The following MEGF6 variants were observed in gnomAD, a reference collection of about 807,000 sequenced individuals.
MEGF6 encodes multiple epidermal growth factor-like domains protein 6.
Under a neutral mutation model 207.1 loss-of-function variants are expected in MEGF6, and 184 were observed. The ratio of observed to expected loss-of-function variants is 0.89; its 90% CI spans 0.79 to 1.00. The LOEUF (loss-of-function observed/expected upper bound fraction) is 1.00, where lower values mean the gene tolerates loss of function less well. Among genes scored for constraint, MEGF6 ranks in the 50% least tolerant of loss-of-function variants. MEGF6 has a pLI of 0.00. For synonymous variants in MEGF6, 1,038 were observed against 910.0 expected (o/e 1.14, Z -2.53); for missense variants, 2,282 against 2,202.9 (o/e 1.04, Z -0.72).
intron 4 of MEGF6, among the ~76,000 whole-genome samples, chr1:3,568,687 C>T (rs369707737): frequency 1.3e-5 from 2 of 152,138 alleles, no homozygotes; most frequent in Non-Finnish European, 2.9e-5. Flanking sequence ...ATGACCTTGC[C>T]GGCCAGCCCT....
intron 4 of MEGF6, among the ~76,000 whole-genome samples, chr1:3,567,111 G>A (rs1431148191): frequency 6.6e-6 from 1 of 152,240 alleles, no homozygotes; most frequent in Non-Finnish European, 1.5e-5. Flanking sequence ...CCCAGCCCTG[G>A]TCGCACGGTG....
At chr1:3,595,931 T>G (rs1244687084) in intron 2 of MEGF6, among the ~76,000 whole-genome samples, 2 of 151,686 alleles carry the variant, frequency 1.3e-5, no homozygotes, top group Non-Finnish European at 2.9e-5. Flanking sequence ...GCAGGGGAGG[T>G]GCCAGTTCAA....
Position 3,524,380 on chromosome 1 carries a change from C to T in MEGF6, c.482-134G>A, listed in dbSNP as rs1641883190. 4.5e-6 allele frequency: 5 copies of T among 1,115,084 alleles called. 1 individual carries two copies. The South Asian group carries it at 4.6e-5, about 10-fold the overall frequency. The allele number at this position is 1,115,084 out of a possible 1,614,324, so 69.1% of individuals were successfully genotyped here. A position where few individuals can be genotyped will look rare whatever the true frequency, so the allele number is the denominator to read the frequency against. ...GAGGGCACCACCCATGAGCCCCTCA[C>T]CCACATCTGCCGGAGACGCAGCAGA... On this transcript the variant is annotated intron_variant, in intron 4 of 36. Transcript: ENST00000356575.
At position 3,489,191 on chromosome 1, in the gene MEGF6, G is replaced by A. The variant is rs535669665; in HGVS notation, c.*1337C>T. ...TTCTACTTTAAAGTCTCCCCACAGC[G>A]GTCCATTCATCAGCTTCCTCTGTGA... On this transcript the variant is annotated 3_prime_UTR_variant, in exon 37 of 37. Coordinates refer to ENST00000356575, the MANE Select transcript of MEGF6 (RefSeq NM_001409.4). 3.9e-5 allele frequency among the ~76,000 whole-genome samples: 6 copies of A among 152,146 alleles called. No individual in the cohort carries two copies. The highest frequency in any genetic ancestry group is 1.2e-4 in the African/African-American group (5 of 41,422).
chr1:3,504,800 G>A (rs1398775041), intron 17 of MEGF6, among the ~76,000 whole-genome samples: 2 of 152,146 alleles, frequency 1.3e-5, no homozygotes, highest in African/African-American at 2.4e-5. Context: ...ACCACTCTCT[G>A]AACCGCCACC....
chr1:3,563,585 C>T (rs10909969), intron 4 of MEGF6, among the ~76,000 whole-genome samples: 41,377 of 152,152 alleles, frequency 0.27, 5,903 homozygotes, highest in African/African-American at 0.31. Context: ...TTTAGAAGAA[C>T]GCACTTTGCT....
At chr1:3,530,849 G>A (rs555967183) in intron 4 of MEGF6, among the ~76,000 whole-genome samples, 66 of 152,332 alleles carry the variant, frequency 4.3e-4, no homozygotes, top group Non-Finnish European at 7.2e-4. Context: ...AAGGGACCTG[G>A]CTGTTAGTAG....
At position 3,499,737 on chromosome 1, in the gene MEGF6, T is replaced by C. The variant is rs1487272024; in HGVS notation, c.2837-21A>G. 7 of 1,600,236 alleles carry C rather than the reference T, an allele frequency of 4.4e-6. No homozygotes were observed. In the South Asian group the frequency reaches 4.5e-5, roughly 10 times the overall value. ...GCAGGCTGCAGACAGCGGGCAGTGA[T>C]GTGGAGGGGCCCACACTGGAGGCCA... On this transcript the variant is annotated intron_variant, in intron 22 of 36. Transcript: ENST00000356575.
Position 3,494,078 on chromosome 1 carries a change from C to T in MEGF6, c.4176G>A (p.Trp1392Ter). 6.3e-7 allele frequency: 1 copy of T among 1,596,416 alleles called. No individual in the cohort carries two copies. Among genetic ancestry groups the T allele is most frequent in the Non-Finnish European group, 8.5e-7 (1 of 1,170,324 alleles). ...FHGAGCQGLCWCQHGAPCDPI... is the reference protein window; with the variant it reads ...FHGAGCQGLC ...GGTCGCAGGGGGCTCCATGTTGACA[C>T]CAGCACAACCCCTGGCAGCCAGCCC... is the stretch of plus-strand genomic sequence containing the variant. Residue 1392 changes from tryptophan (W) to a stop codon, truncating the protein, a stop_gained, in exon 33 of 37, where the codon TGG (tryptophan) becomes TGA (stop). Transcript: ENST00000356575. LOFTEE classifies it high-confidence loss of function.
At chr1:3,516,570 C>A (rs1641548527) in intron 5 of MEGF6, among the ~76,000 whole-genome samples, 1 of 152,170 alleles carries the variant, frequency 6.6e-6, no homozygotes. Context: ...CTGCCACCAT[C>A]CCTGGGAGGT....
intron 5 of MEGF6, among the ~76,000 whole-genome samples, chr1:3,522,106 C>T (rs10909958): frequency 0.076 from 11,592 of 152,292 alleles, 592 homozygotes; most frequent in African/African-American, 0.14. Flanking sequence ...ATCACAGCTC[C>T]GGGGCTGTAT....
intron 17 of MEGF6, among the ~76,000 whole-genome samples, chr1:3,503,000 G>A (rs977813324): frequency 3.3e-4 from 51 of 152,328 alleles, no homozygotes; most frequent in African/African-American, 1.2e-3. Flanking sequence ...GCAGTTGACA[G>A]AGACCCCGTG....
In MEGF6 at chr1:3,493,978, G is replaced by A. The variant is rs756911824; in HGVS notation, c.4258+18C>T. 11 of 1,591,016 alleles carry A rather than the reference G, an allele frequency of 6.9e-6. No homozygotes were observed. Among genetic ancestry groups the A allele is most frequent in the Non-Finnish European group, 9.4e-6 (11 of 1,169,932 alleles). The stretch of plus-strand genomic sequence containing the variant: ...CGGGGCCAGGGAGCGGGGGTTCAGG[G>A]AGGCACCAAGCACTCACCCCTCTCA... On this transcript the variant is annotated intron_variant, in intron 33 of 36. Coordinates refer to ENST00000356575, the MANE Select transcript of MEGF6 (RefSeq NM_001409.4).
intron 5 of MEGF6, 137 bp from the exon 6 acceptor site, chr1:3,515,664 C>T: frequency 9.3e-7 from 1 of 1,070,690 alleles, no homozygotes; most frequent in African/African-American, 1.6e-5. Context: ...CCGAGCCCCT[C>T]CGCCTTTTCA....
chr1:3,530,989 C>T, intron 4 of MEGF6: 1 of 1,386,856 alleles, frequency 7.2e-7, no homozygotes, highest in Admixed American at 3.6e-5. Flanking sequence ...AGGCAGCGCC[C>T]TGGCGCAAAC....
At chr1:3,511,402 A>C in intron 9 of MEGF6, 148 bp downstream of exon 9, 1 of 1,021,004 alleles carries the variant, frequency 9.8e-7, no homozygotes, top group African/African-American at 1.6e-5. Context: ...GACCTGCCCT[A>C]CCACCCCGCC....
upstream of MEGF6, among the ~76,000 whole-genome samples, chr1:3,615,303 C>T (rs1033977830): frequency 1.3e-5 from 2 of 152,226 alleles, no homozygotes; most frequent in African/African-American, 2.4e-5. Flanking sequence ...AGGGCGGCTG[C>T]AGAGATTGTT....
chr1:3,597,094 C>T (rs1644080002), intron 2 of MEGF6, among the ~76,000 whole-genome samples: 1 of 152,240 alleles, frequency 6.6e-6, no homozygotes, highest in Non-Finnish European at 1.5e-5. Context: ...CCACTCATTG[C>T]CCTGCAGCCA....
At chr1:3,587,902 G>A (rs1310475961) in intron 3 of MEGF6, among the ~76,000 whole-genome samples, 3 of 97,266 alleles carry the variant, frequency 3.1e-5, no homozygotes, top group African/African-American at 3.8e-5. Flanking sequence ...GGGGGCAGGA[G>A]TGGCCAGGAG....
Sources: gnomAD v4.1 joint callset for allele counts (sites outside exome capture counted in the v4.1 genomes callset) on GRCh38, gnomAD v4.1.1 for gene constraint, MANE v1.5 for transcripts, NCBI Gene and HGNC (gene_info 2026-07-23, HGNC 2026-07-21) for gene names.